USH2A: variants seen among roughly 807,000 people sequenced by gnomAD.
USH2A encodes the protein Usher syndrome 2A (autosomal recessive, mild).
In USH2A, 443 loss-of-function variants were observed where a neutral mutation model predicts 538.9. The ratio of observed to expected loss-of-function variants is 0.82; its 90% CI spans 0.76 to 0.89. The LOEUF (loss-of-function observed/expected upper bound fraction) is 0.89. Ranked by LOEUF, USH2A falls within the 40% of genes least tolerant of loss-of-function variation. USH2A has a pLI of 0.00. For synonymous variants in USH2A, 2,413 were observed against 2,273.5 expected, an observed-to-expected ratio of 1.06 and a Z score of -1.75; for missense variants, 6,633 against 6,324.8, an observed-to-expected ratio of 1.05 and a Z score of -1.65.
intron 3 of USH2A, among the ~76,000 whole-genome samples, chr1:216,406,120 G>A (rs992274756): frequency 4.6e-5 from 7 of 152,046 alleles, no homozygotes; most frequent in Admixed American, 2.0e-4. Context: ...TCTGCAACTC[G>A]GCTGTGGTGG....
At chr1:216,378,004 A>AT (rs921170414) in intron 3 of USH2A, among the ~76,000 whole-genome samples, 56 of 152,076 alleles carry the variant, frequency 3.7e-4, no homozygotes, top group African/African-American at 1.3e-3. Flanking sequence ...TGTGCTTCGG[A>AT]TGGTTCTGCC....
intron 3 of USH2A, among the ~76,000 whole-genome samples, chr1:216,387,235 C>T (rs2039022947): frequency 6.6e-6 from 1 of 152,140 alleles, no homozygotes; most frequent in African/African-American, 2.4e-5. Flanking sequence ...ACAAGGAAAA[C>T]AGTCAATGAC....
chr1:216,017,134 G>A (rs1258714055), intron 32 of USH2A, among the ~76,000 whole-genome samples: 1 of 151,962 alleles, frequency 6.6e-6, no homozygotes, highest in African/African-American at 2.4e-5. Context: ...ATGAGAGAAA[G>A]CCCCTCGTTT....
At chr1:215,783,041 A>G in intron 52 of USH2A, 106 bp from the exon 53 acceptor site, 11 of 1,028,836 alleles carry the variant, frequency 1.1e-5, no homozygotes, top group Non-Finnish European at 1.6e-5. Context: ...ATAAATGTTT[A>G]ATGCTCTAAA....
chr1:216,010,466 G>A (rs564263892), intron 32 of USH2A, among the ~76,000 whole-genome samples: 3 of 151,928 alleles, frequency 2.0e-5, no homozygotes, highest in Non-Finnish European at 2.9e-5. Flanking sequence ...CTTAGTGGCT[G>A]AAGACTGACA....
At chr1:216,040,731 A>G (rs2030236849) in intron 32 of USH2A, among the ~76,000 whole-genome samples, 1 of 151,986 alleles carries the variant, frequency 6.6e-6, no homozygotes, top group Non-Finnish European at 1.5e-5. Flanking sequence ...AGTGGCCCAC[A>G]ATAGCTCTGC....
intron 58 of USH2A, among the ~76,000 whole-genome samples, chr1:215,753,482 T>C (rs958267810): frequency 2.6e-5 from 4 of 152,080 alleles, no homozygotes; most frequent in Non-Finnish European, 5.9e-5. Context: ...TATGCAGCCA[T>C]AAAAAATGAT....
intron 22 of USH2A, among the ~76,000 whole-genome samples, chr1:216,094,095 C>T (rs1333405777): frequency 6.6e-6 from 1 of 152,246 alleles, no homozygotes; most frequent in Middle Eastern, 3.4e-3. Context: ...TAAATATCTC[C>T]AGATACTAAC....
chr1:215,653,775 G>A (rs977169675), intron 64 of USH2A, among the ~76,000 whole-genome samples: 3 of 152,132 alleles, frequency 2.0e-5, no homozygotes, highest in Non-Finnish European at 2.9e-5. Flanking sequence ...GTATTGAAGT[G>A]TAGTTCAGGG....
At chr1:216,253,004 G>C (rs768108416) in intron 11 of USH2A, among the ~76,000 whole-genome samples, 9 of 152,126 alleles carry the variant, frequency 5.9e-5, no homozygotes, top group Admixed American at 3.3e-4. Flanking sequence ...ACACCTTAAG[G>C]CATTGGACAT....
At chr1:216,212,412 T>C (rs2035259628) in intron 15 of USH2A, among the ~76,000 whole-genome samples, 2 of 152,160 alleles carry the variant, frequency 1.3e-5, no homozygotes, top group Admixed American at 6.5e-5. Context: ...TGAAGTAGAA[T>C]TCCTAAAAAA....
intron 60 of USH2A, among the ~76,000 whole-genome samples, chr1:215,731,730 G>A (rs1431261997): frequency 1.3e-5 from 2 of 152,120 alleles, no homozygotes; most frequent in Non-Finnish European, 2.9e-5. Context: ...AATTGTCACT[G>A]CTTATTTTCA....
chr1:216,342,342 C>A lies in USH2A; in HGVS notation c.785-14688G>T, dbSNP rs189240009. ...ATTATTAAAAAGTCAAGAAACAACA[C>A]GCTAGTGAGACTGTGGAGAAACAGG... On this transcript the variant is annotated intron_variant, in intron 4 of 71. Transcript: ENST00000307340. 2.0e-5 allele frequency among the ~76,000 whole-genome samples: 3 copies of A among 151,708 alleles called. No homozygotes were observed. The East Asian group carries it at 5.9e-4, about 30-fold the overall frequency.
At chr1:216,228,255 G>A (rs906631054) in intron 14 of USH2A, among the ~76,000 whole-genome samples, 4 of 152,148 alleles carry the variant, frequency 2.6e-5, no homozygotes, top group Non-Finnish European at 4.4e-5. Flanking sequence ...AGTGGGGAAT[G>A]AATGAAGAGG....
At chr1:215,829,437 AC>A (rs1663250805) in intron 47 of USH2A, among the ~76,000 whole-genome samples, 1 of 152,192 alleles carries the variant, frequency 6.6e-6, no homozygotes, top group Non-Finnish European at 1.5e-5. Context: ...AATTTTACTG[AC>A]TTCTGAATTT....
chr1:216,068,646 A>G (rs754956362), intron 30 of USH2A, among the ~76,000 whole-genome samples: 11 of 152,196 alleles, frequency 7.2e-5, no homozygotes, highest in Non-Finnish European at 1.5e-4. Flanking sequence ...AAGAAACAGA[A>G]AGAGTCAGGG....
At chr1:216,354,469 G>A (rs923137994) in intron 4 of USH2A, among the ~76,000 whole-genome samples, 2 of 152,078 alleles carry the variant, frequency 1.3e-5, no homozygotes, top group African/African-American at 4.8e-5. Context: ...TAATATAAAT[G>A]CTAAAAGATC....
At chr1:215,830,757 C>T (rs986155681) in intron 47 of USH2A, among the ~76,000 whole-genome samples, 1 of 152,178 alleles carries the variant, frequency 6.6e-6, no homozygotes, top group Non-Finnish European at 1.5e-5. Flanking sequence ...AGAACTATTA[C>T]ATAATTCTAC....
chr1:216,247,333 G>C (rs1313298568), intron 12 of USH2A, 107 bp from the exon 13 acceptor site: 4 of 1,411,244 alleles, frequency 2.8e-6, no homozygotes, highest in Admixed American at 1.9e-5. Flanking sequence ...AAAATATTGA[G>C]TGTTTTCTCA....
Sources: gnomAD v4.1 joint callset for allele counts (sites outside exome capture counted in the v4.1 genomes callset) on GRCh38, gnomAD v4.1.1 for gene constraint, MANE v1.5 for transcripts, NCBI Gene and HGNC (gene_info 2026-07-23, HGNC 2026-07-21) for gene names.